KIRREL3: variants seen among roughly 807,000 people sequenced by gnomAD.
KIRREL3 encodes the protein kin of IRRE-like protein 3.
KIRREL3 carries 36 observed loss-of-function variants against 89.7 expected under a neutral mutation model. That is an observed-to-expected ratio of 0.40 (90% CI 0.31 to 0.53). The LOEUF (loss-of-function observed/expected upper bound fraction) is 0.53. Among genes scored for constraint, KIRREL3 ranks in the 20% least tolerant of loss-of-function variants. The probability of loss-of-function intolerance (pLI) is 0.49; values close to 1 mark genes in which losing one functional copy is unlikely to be tolerated. For synonymous variants in KIRREL3, 445 were observed against 441.4 expected (o/e 1.01, Z -0.10); for missense variants, 864 against 1,056.6 (o/e 0.82, Z 2.53).
At chr11:126,512,904 T>A (rs1314271396) in intron 4 of KIRREL3, among the ~76,000 whole-genome samples, 1 of 152,196 alleles carries the variant, frequency 6.6e-6, no homozygotes, top group Non-Finnish European at 1.5e-5. Flanking sequence ...CTCCTGCTAC[T>A]GGCTCCACCA....
chr11:126,645,338 T>TTC lies in KIRREL3; in HGVS notation c.56-82428_56-82427dup, dbSNP rs533496507. On this transcript the variant is annotated intron_variant, in intron 1 of 16. Transcript: ENST00000525144. The surrounding 1 kb of genome is among the most constrained non-coding windows in gnomAD (Gnocchi z 4.9). ...TGTGTGGTCCTCAAATCCTGAATAC[T>TTC]TCTCTCCCAGAGCATTTACCACACG... Among the ~76,000 whole-genome samples the TTC allele has an allele frequency of 1.5e-3, 232 of 152,302 alleles. 1 individual carries two copies. The highest frequency in any genetic ancestry group is 2.8e-3 in the Non-Finnish European group (188 of 68,022).
chr11:126,866,854 T>C (rs1292146949), intron 1 of KIRREL3, among the ~76,000 whole-genome samples: 1 of 152,140 alleles, frequency 6.6e-6, no homozygotes, highest in Non-Finnish European at 1.5e-5. Context: ...TCCCATTCCA[T>C]TCCCCTTGTG....
At chr11:126,961,783 C>T (rs1949095063) in intron 1 of KIRREL3, among the ~76,000 whole-genome samples, 1 of 152,254 alleles carries the variant, frequency 6.6e-6, no homozygotes, top group African/African-American at 2.4e-5. Flanking sequence ...GAATAGAAGT[C>T]AAGGCCTGGC....
chr11:126,554,382 T>C (rs1939540819), intron 2 of KIRREL3, among the ~76,000 whole-genome samples: 1 of 152,130 alleles, frequency 6.6e-6, no homozygotes, highest in Non-Finnish European at 1.5e-5. Context: ...AATTGCTCCA[T>C]AGAAGTATAT....
Position 126,651,566 on chromosome 11 carries a change from A to T in KIRREL3, c.56-88654T>A, listed in dbSNP as rs1358573063. On this transcript the variant is annotated intron_variant, in intron 1 of 16. Coordinates refer to ENST00000525144, the MANE Select transcript of KIRREL3 (RefSeq NM_032531.4). The surrounding 1 kb of genome is among the most constrained non-coding windows in gnomAD (Gnocchi z 4.6). Reference sequence around the variant, plus strand: ...TTGGTAGCACTTTCAAATAAGTGGCAGCAGTTCATGCATAATTACTTCTGA... The same window carrying T: ...TTGGTAGCACTTTCAAATAAGTGGCTGCAGTTCATGCATAATTACTTCTGA... Among the ~76,000 whole-genome samples the T allele has an allele frequency of 6.6e-6, 1 of 152,242 alleles. No individual in the cohort carries two copies. Among genetic ancestry groups the T allele is most frequent in the Non-Finnish European group, 1.5e-5 (1 of 68,046 alleles).
chr11:126,537,640 A>G lies in KIRREL3; in HGVS notation c.134-10953T>C, dbSNP rs1463194002. ...ACAGGGTCAGTCAGCCCTAGGAAGGAACTCTGGCCCTGTACCTAGCAGTGT... is the reference window on the plus strand; with the variant it reads ...ACAGGGTCAGTCAGCCCTAGGAAGGGACTCTGGCCCTGTACCTAGCAGTGT... On this transcript the variant is annotated intron_variant, in intron 2 of 16. Transcript: ENST00000525144. The surrounding 1 kb of genome is among the most constrained non-coding windows in gnomAD (Gnocchi z 4.3). 6.6e-6 allele frequency among the ~76,000 whole-genome samples: 1 copy of G among 152,196 alleles called. No homozygotes were observed. Among genetic ancestry groups the G allele is most frequent in the Non-Finnish European group, 1.5e-5 (1 of 68,030 alleles).
Position 126,696,573 on chromosome 11 carries a change from A to G in KIRREL3, c.56-133661T>C, listed in dbSNP as rs1947105654. On this transcript the variant is annotated intron_variant, in intron 1 of 16. Coordinates refer to ENST00000525144, the MANE Select transcript of KIRREL3 (RefSeq NM_032531.4). This position sits in a 1 kb window ranked among gnomAD's most constrained non-coding sequence, Gnocchi z 4.4. ...CTCCAGGCAGGTCCTCACCTCTGCC[A>G]TCCTCCACGTGATCCCCAAACGTTG... Among the ~76,000 whole-genome samples the G allele has an allele frequency of 6.6e-6, 1 of 152,110 alleles. No individual in the cohort carries two copies. The highest frequency in any genetic ancestry group is 1.5e-5 in the Non-Finnish European group (1 of 67,986).
At chr11:126,699,290 T>C (rs1947220825) in intron 1 of KIRREL3, among the ~76,000 whole-genome samples, 1 of 152,222 alleles carries the variant, frequency 6.6e-6, no homozygotes, top group Non-Finnish European at 1.5e-5. Flanking sequence ...TAACCGCATC[T>C]TCCCCAGAAT....
rs1054654114 is a variant in KIRREL3 at position 126,872,434 on chromosome 11, C to G, written c.55+128021G>C. ...GCCCTGCTCAGCAAGGAGCGGCTCCCCTGCTGCTGCTGTATGCTGCCACTT... is the reference window on the plus strand; with the variant it reads ...GCCCTGCTCAGCAAGGAGCGGCTCCGCTGCTGCTGCTGTATGCTGCCACTT... On this transcript the variant is annotated intron_variant, in intron 1 of 16. Coordinates refer to ENST00000525144, the MANE Select transcript of KIRREL3 (RefSeq NM_032531.4). This position sits in a 1 kb window ranked among gnomAD's most constrained non-coding sequence, Gnocchi z 4.2. Among the ~76,000 whole-genome samples the G allele has an allele frequency of 3.3e-5, 5 of 152,160 alleles. No individual in the cohort carries two copies. In the South Asian group the frequency reaches 8.3e-4, roughly 25 times the overall value.
chr11:126,930,584 C>T (rs956151067), intron 1 of KIRREL3, among the ~76,000 whole-genome samples: 1 of 152,162 alleles, frequency 6.6e-6, no homozygotes, highest in Non-Finnish European at 1.5e-5. Flanking sequence ...CCCTTCCCTG[C>T]CATGTCTGTC....
chr11:126,436,634 G>A (rs944288430), intron 12 of KIRREL3, among the ~76,000 whole-genome samples, 177 bp downstream of exon 12: 6 of 152,220 alleles, frequency 3.9e-5, no homozygotes, highest in Admixed American at 1.3e-4. Context: ...TTGCTTCAGC[G>A]AGAGCCTGGC....
At chr11:126,873,418 T>C (rs1036261185) in intron 1 of KIRREL3, among the ~76,000 whole-genome samples, 11 of 152,126 alleles carry the variant, frequency 7.2e-5, no homozygotes, top group African/African-American at 1.9e-4. Flanking sequence ...AGCAAACAGA[T>C]TGGGGAGCGA....
At chr11:126,467,688 C>T (rs981450660) in intron 5 of KIRREL3, among the ~76,000 whole-genome samples, 1 of 151,706 alleles carries the variant, frequency 6.6e-6, no homozygotes, top group Non-Finnish European at 1.5e-5. Flanking sequence ...CTGCTTGGGG[C>T]TCCCCATGGG....
At chr11:126,910,696 C>G (rs1358283634) in intron 1 of KIRREL3, among the ~76,000 whole-genome samples, 4 of 152,230 alleles carry the variant, frequency 2.6e-5, no homozygotes, top group African/African-American at 9.6e-5. Context: ...ACCAATAAGG[C>G]AGCTGGACTA....
Position 126,449,001 on chromosome 11 carries a change from G to A in KIRREL3, c.997+8C>T, listed in dbSNP as rs1276901750. ...CTCGCCTGGGGAAGCCTGCACCACTGCACTCACAGTAGACGTCAACCGTGC... is the reference window on the plus strand; with the variant it reads ...CTCGCCTGGGGAAGCCTGCACCACTACACTCACAGTAGACGTCAACCGTGC... On this transcript the variant is annotated splice_region_variant and intron_variant, in intron 8 of 16. Coordinates refer to ENST00000525144, the MANE Select transcript of KIRREL3 (RefSeq NM_032531.4). The A allele has an allele frequency of 6.2e-7, 1 of 1,600,810 alleles. No homozygotes were observed. Among genetic ancestry groups the A allele is most frequent in the Non-Finnish European group, 8.5e-7 (1 of 1,169,640 alleles).
chr11:126,688,953 AT>A (rs1021136188), intron 1 of KIRREL3, among the ~76,000 whole-genome samples: 20 of 150,072 alleles, frequency 1.3e-4, no homozygotes, highest in South Asian at 1.1e-3. Context: ...GGACAGGAAG[AT>A]TTTTTTTTTC....
chr11:126,914,343 T>A (rs550649099), intron 1 of KIRREL3, among the ~76,000 whole-genome samples: 233 of 152,354 alleles, frequency 1.5e-3, no homozygotes, highest in Non-Finnish European at 2.6e-3. Flanking sequence ...CCCAGGACTC[T>A]ATGAAGTGAT....
rs2134202775 is a variant in KIRREL3, at chr11:126,734,224, G to T, written c.56-171312C>A. 6.6e-6 allele frequency among the ~76,000 whole-genome samples: 1 copy of T among 152,306 alleles called. No individual in the cohort carries two copies. The highest frequency in any genetic ancestry group is 2.1e-4 in the South Asian group (1 of 4,824). On this transcript the variant is annotated intron_variant, in intron 1 of 16. Coordinates refer to ENST00000525144, the MANE Select transcript of KIRREL3 (RefSeq NM_032531.4). The surrounding 1 kb of genome is among the most constrained non-coding windows in gnomAD (Gnocchi z 5.9). ...ACGGCTGTTCTCTCCCAAGTCCCATGCTTTCATCAGAAAAAAAGCTCTACT... is the reference window on the plus strand; with the variant it reads ...ACGGCTGTTCTCTCCCAAGTCCCATTCTTTCATCAGAAAAAAAGCTCTACT...
chr11:126,740,116 GT>G lies in KIRREL3; in HGVS notation c.56-177205del, dbSNP rs558259910. 1.9e-3 allele frequency among the ~76,000 whole-genome samples: 289 copies of G among 152,192 alleles called. No individual in the cohort carries two copies. Among genetic ancestry groups the G allele is most frequent in the Non-Finnish European group, 3.2e-3 (216 of 68,008 alleles). On this transcript the variant is annotated intron_variant, in intron 1 of 16. Coordinates refer to ENST00000525144, the MANE Select transcript of KIRREL3 (RefSeq NM_032531.4). The surrounding 1 kb of genome is among the most constrained non-coding windows in gnomAD (Gnocchi z 6.0). ...AATTTGGCCCATTAGTTCAAATTGT[GT>G]TTTTTTCTTCCCTCCTTCTTTTATT...
Sources: gnomAD v4.1 joint callset for allele counts (sites outside exome capture counted in the v4.1 genomes callset) on GRCh38, gnomAD v4.1.1 for gene constraint, Gnocchi (gnomAD v3.1) non-coding constraint, MANE v1.5 for transcripts, NCBI Gene and HGNC (gene_info 2026-07-23, HGNC 2026-07-21) for gene names.